Variants in NUAK1 observed in about 807,000 individuals in gnomAD.
NUAK1 encodes NUAK family kinase 1.
Under a neutral mutation model 56.9 loss-of-function variants are expected in NUAK1, and 26 were observed. The ratio of observed to expected loss-of-function variants is 0.46; its 90% confidence interval spans 0.33 to 0.63. The LOEUF (loss-of-function observed/expected upper bound fraction) is 0.63, where lower values mean the gene tolerates loss of function less well. NUAK1 is among the 30% of genes least tolerant of loss of function. NUAK1 has a pLI of 0.02. For synonymous variants in NUAK1, 337 were observed against 336.0 expected, an observed-to-expected ratio of 1.00 and a Z score of -0.03; for missense variants, 727 against 876.1, an observed-to-expected ratio of 0.83 and a Z score of 2.15.
Position 106,068,610 on chromosome 12 carries a change from G to A in NUAK1, c.833-655C>T, listed in dbSNP as rs145221289. Among the ~76,000 whole-genome samples the A allele has an allele frequency of 2.0e-4, 31 of 152,330 alleles. 1 individual carries two copies. In the East Asian group the frequency reaches 6.0e-3, roughly 29 times the overall value. ...TAAGCCATCTTCTACTGAGCTATCA[G>A]ATCAGAGAAGTGATCTATATCTGCT... On this transcript the variant is annotated intron_variant, in intron 6 of 6. Transcript: ENST00000261402.
At chr12:106,115,447 G>A (rs1414939105) in intron 1 of NUAK1, among the ~76,000 whole-genome samples, 1 of 152,298 alleles carries the variant, frequency 6.6e-6, no homozygotes, top group East Asian at 1.9e-4. Context: ...CAGATAGGGC[G>A]GGAGCAACCG....
intron 1 of NUAK1, among the ~76,000 whole-genome samples, chr12:106,119,157 T>G (rs1434691253): frequency 6.6e-6 from 1 of 152,208 alleles, no homozygotes; most frequent in South Asian, 2.1e-4. Context: ...AAAGGTAGGT[T>G]TTTCCTGGTT....
rs2032310925 is a variant in NUAK1 at position 106,064,328 on chromosome 12, G to C, written c.*2474C>G. 5 of 152,174 alleles carry C rather than the reference G, an allele frequency of 3.3e-5. No individual in the cohort carries two copies. The South Asian group carries it at 1.0e-3, about 32-fold the overall frequency. 9.4% of individuals were successfully genotyped at this position (152,174 alleles called of 1,614,324 possible). On this transcript the variant is annotated 3_prime_UTR_variant, in exon 7 of 7. Coordinates refer to ENST00000261402, the MANE Select transcript of NUAK1 (RefSeq NM_014840.3). ...AGTGTCAGAGCTAAGCGGGGCTTCA[G>C]GTACCAGCTAATTCATCCCTCCAGC...
intron 1 of NUAK1, among the ~76,000 whole-genome samples, chr12:106,108,351 C>T (rs1015116709): frequency 2.0e-5 from 3 of 152,166 alleles, no homozygotes; most frequent in Non-Finnish European, 4.4e-5. Flanking sequence ...TCCCTTCGAC[C>T]CTGGGTGGAC....
At chr12:106,099,340 T>C (rs1022242559) in intron 2 of NUAK1, among the ~76,000 whole-genome samples, 2 of 152,214 alleles carry the variant, frequency 1.3e-5, no homozygotes, top group African/African-American at 4.8e-5. Flanking sequence ...TAGAAAACAC[T>C]TGACCTATGA....
rs1208165939 is a variant in NUAK1, at chr12:106,064,193, C to T, written c.*2609G>A. On this transcript the variant is annotated 3_prime_UTR_variant, in exon 7 of 7. Coordinates refer to ENST00000261402, the MANE Select transcript of NUAK1 (RefSeq NM_014840.3). ...GACTGGGATTGGCTGGTAGGGATGA[C>T]AGGACTTAATGATGAAGCAGGGAGC... 6.6e-6 allele frequency: 1 copy of T among 152,492 alleles called. No homozygotes were observed. The highest frequency in any genetic ancestry group is 1.9e-4 in the East Asian group (1 of 5,194). The allele number at this position is 152,492 out of a possible 1,614,324, so 9.4% of individuals were successfully genotyped here. A position where few individuals can be genotyped will look rare whatever the true frequency, so the allele number is the denominator to read the frequency against.
chr12:106,112,496 C>T (rs2032871121), intron 1 of NUAK1, among the ~76,000 whole-genome samples: 1 of 152,166 alleles, frequency 6.6e-6, no homozygotes, highest in Admixed American at 6.5e-5. Context: ...AAGCCTCTGG[C>T]CGAGGACAGT....
chr12:106,124,043 T>C (rs1366825390), intron 1 of NUAK1, among the ~76,000 whole-genome samples: 1 of 152,152 alleles, frequency 6.6e-6, no homozygotes, highest in Non-Finnish European at 1.5e-5. Context: ...AAAATATTCG[T>C]TATAATTTTT....
intron 4 of NUAK1, among the ~76,000 whole-genome samples, chr12:106,076,457 C>T (rs185226902): frequency 6.6e-6 from 1 of 152,252 alleles, no homozygotes; most frequent in African/African-American, 2.4e-5. Context: ...GGCATTTTTG[C>T]TTGTTGTTTT....
At chr12:106,102,976 A>G (rs1387867599) in intron 2 of NUAK1, among the ~76,000 whole-genome samples, 1 of 152,228 alleles carries the variant, frequency 6.6e-6, no homozygotes, top group African/African-American at 2.4e-5. Context: ...TCACACTGCT[A>G]TGCATCTTTA....
intron 1 of NUAK1, among the ~76,000 whole-genome samples, chr12:106,131,383 C>T (rs921493984): frequency 7.2e-5 from 11 of 152,158 alleles, no homozygotes; most frequent in African/African-American, 2.7e-4. Context: ...CACTCATCTA[C>T]GCTGTCTCTA....
intron 2 of NUAK1, among the ~76,000 whole-genome samples, chr12:106,102,754 T>C (rs1207150737): frequency 1.3e-5 from 2 of 152,202 alleles, no homozygotes; most frequent in African/African-American, 4.8e-5. Context: ...ACAGATGTGA[T>C]TACTGAGGCA....
chr12:106,072,982 C>A, intron 4 of NUAK1, 139 bp from the exon 5 acceptor site: 1 of 896,978 alleles, frequency 1.1e-6, no homozygotes, highest in Non-Finnish European at 1.7e-6. Flanking sequence ...CATTTTCTCT[C>A]CAGCCCTGAG....
chr12:106,089,079 A>G (rs2032606650), intron 2 of NUAK1, among the ~76,000 whole-genome samples: 1 of 152,268 alleles, frequency 6.6e-6, no homozygotes, highest in African/African-American at 2.4e-5. Context: ...TTCATTAACA[A>G]TAAACCTTGG....
rs780536488 is a variant in NUAK1, at chr12:106,067,426, G to T, written c.1362C>A (p.Leu454=). The stretch of plus-strand genomic sequence containing the variant: ...GCATCGTGGCCGACTGCTTGGGGCT[G>T]AGTTTTCCCGGCACCTCTGCCTCTG... ...SSPEAEVPGK[L]SPKQSATMPK... is the part of the protein sequence containing the mutation. Residue 454 remains leucine, a synonymous_variant, in exon 7 of 7, where the codon CTC becomes CTA. Coordinates refer to ENST00000261402, the MANE Select transcript of NUAK1 (RefSeq NM_014840.3). The surrounding 1 kb of genome is among the most constrained non-coding windows in gnomAD (Gnocchi z 6.0). 1.2e-6 allele frequency: 2 copies of T among 1,614,206 alleles called. No homozygotes were observed. The highest frequency in any genetic ancestry group is 1.7e-6 in the Non-Finnish European group (2 of 1,180,040).
At chr12:106,069,944 G>A (rs1312041878) in intron 6 of NUAK1, among the ~76,000 whole-genome samples, 1 of 152,120 alleles carries the variant, frequency 6.6e-6, no homozygotes, top group Non-Finnish European at 1.5e-5. Flanking sequence ...TCATGACCGT[G>A]GTTGTCTTGA....
rs1036268145 is a variant in NUAK1 at position 106,084,160 on chromosome 12, A to G, written c.514-231T>C. The G allele has an allele frequency of 9.2e-6, 5 of 542,262 alleles. No homozygotes were observed. The African/African-American group carries it at 9.4e-5, about 10-fold the overall frequency. The allele number at this position is 542,262 out of a possible 1,614,324, so 33.6% of individuals were successfully genotyped here. On this transcript the variant is annotated intron_variant, in intron 3 of 6. Coordinates refer to ENST00000261402, the MANE Select transcript of NUAK1 (RefSeq NM_014840.3). ...TAGTCACTTGCTGTGTGGTTAAGGG[A>G]AAAATGACTGGAATCTGTTCTCCCC...
chr12:106,077,042 ACT>A (rs1266207236), intron 4 of NUAK1, among the ~76,000 whole-genome samples: 2 of 152,242 alleles, frequency 1.3e-5, no homozygotes, highest in Admixed American at 1.3e-4. Flanking sequence ...ACTCCAGAAC[ACT>A]GTTTATAATG....
chr12:106,067,439 A>T lies in NUAK1; in HGVS notation c.1349T>A (p.Val450Glu), dbSNP rs1384994807. Residue 450 changes from valine (V) to glutamate (E), a missense_variant, in exon 7 of 7, where the codon GTG becomes GAG. Transcript: ENST00000261402. The surrounding 1 kb of genome is among the most constrained non-coding windows in gnomAD (Gnocchi z 6.0). ...VLLPSSPEAE[V>E]PGKLSPKQSA... ...CTGCTTGGGGCTGAGTTTTCCCGGC[A>T]CCTCTGCCTCTGGTGAGCTTGGGAG... is the stretch of plus-strand genomic sequence containing the variant. The T allele has an allele frequency of 3.7e-6, 6 of 1,613,962 alleles. No homozygotes were observed. The highest frequency in any genetic ancestry group is 1.6e-4 in the Middle Eastern group (1 of 6,084).
Sources: allele counts gnomAD v4.1 joint callset (sites outside exome capture counted in the v4.1 genomes callset), GRCh38; gene constraint gnomAD v4.1.1; non-coding constraint Gnocchi (gnomAD v3.1); transcripts MANE v1.5; gene names NCBI Gene and HGNC (gene_info 2026-07-23, HGNC 2026-07-21).